The following CYFIP2 variants were observed in gnomAD, a reference collection of about 807,000 sequenced individuals.
The protein encoded by CYFIP2 is cytoplasmic FMR1-interacting protein 2.
A neutral mutation model predicts 158.7 loss-of-function variants in CYFIP2; 29 were observed. The ratio of observed to expected loss-of-function variants is 0.18; its 90% CI spans 0.14 to 0.25. The LOEUF (loss-of-function observed/expected upper bound fraction) is 0.25. Ranked by LOEUF, CYFIP2 falls within the 10% of genes least tolerant of loss-of-function variation. The pLI, the probability that CYFIP2 is intolerant of heterozygous loss-of-function variation, is 1.00. For synonymous variants in CYFIP2, 585 were observed against 617.6 expected (o/e 0.95, Z 0.78); for missense variants, 852 against 1,639.5 (o/e 0.52, Z 8.29).
chr5:157,384,283 C>T (rs750622668), intron 28 of CYFIP2: 8 of 456,658 alleles, frequency 1.8e-5, no homozygotes, highest in South Asian at 6.2e-5. Context: ...AAACAAAAGG[C>T]ATGTGCTATC....
chr5:157,364,817 G>A (rs1289089364), intron 26 of CYFIP2: 1 of 150,896 alleles, frequency 6.6e-6, no homozygotes, highest in Non-Finnish European at 1.5e-5. Flanking sequence ...AATGAAAGAA[G>A]ACTACTAATT....
intron 23 of CYFIP2, 96 bp from the exon 24 acceptor site, chr5:157,358,909 G>T: frequency 2.0e-6 from 3 of 1,507,418 alleles, no homozygotes; most frequent in Non-Finnish European, 2.7e-6. Flanking sequence ...CGTAACACTG[G>T]GTTCCTAATG....
intron 29 of CYFIP2, 71 bp downstream of exon 29, chr5:157,389,498 G>C (rs1581211045): frequency 7.1e-7 from 1 of 1,399,324 alleles, no homozygotes; most frequent in African/African-American, 1.4e-5. Context: ...GGGGCTGCCA[G>C]AGTTCAGCCA....
intron 9 of CYFIP2, 142 bp from the exon 10 acceptor site, chr5:157,309,601 A>G (rs1561713378): frequency 5.7e-6 from 4 of 698,844 alleles, no homozygotes; most frequent in East Asian, 2.7e-5. Flanking sequence ...TCAGAGTCAC[A>G]TGGTAGCGTC....
At chr5:157,277,401 T>A (rs1756650316) in intron 1 of CYFIP2, among the ~76,000 whole-genome samples, 1 of 152,094 alleles carries the variant, frequency 6.6e-6, no homozygotes, top group Non-Finnish European at 1.5e-5. Context: ...GTGTTATTAA[T>A]AGTGAAGGAG....
chr5:157,313,486 A>C (rs1436771812), intron 11 of CYFIP2, among the ~76,000 whole-genome samples: 1 of 152,254 alleles, frequency 6.6e-6, no homozygotes, highest in Non-Finnish European at 1.5e-5. Context: ...AAAATATAGA[A>C]AACATGGCAC....
chr5:157,377,464 A>C (rs1765595944), intron 26 of CYFIP2, among the ~76,000 whole-genome samples: 1 of 151,988 alleles, frequency 6.6e-6, no homozygotes, highest in Non-Finnish European at 1.5e-5. Context: ...ATCCTCCCCA[A>C]AAGTCTGAAT....
intron 7 of CYFIP2, 87 bp from the exon 8 acceptor site, chr5:157,304,151 C>T (rs1759016047): frequency 6.7e-7 from 1 of 1,482,842 alleles, no homozygotes; most frequent in East Asian, 2.5e-5. Context: ...GGGGACCACA[C>T]CGGCCAGCTG....
At position 157,293,032 on chromosome 5, in the gene CYFIP2, A is replaced by T. The variant is rs192656877; in HGVS notation, c.208-1751A>T. Among the ~76,000 whole-genome samples the T allele has an allele frequency of 4.6e-5, 7 of 151,766 alleles. No individual in the cohort carries two copies. In the East Asian group the frequency reaches 1.4e-3, roughly 30 times the overall value. ...CAGATATGTATGTATGTATGTATGT[A>T]TGTATGTATGTATGTATGTATGTAT... On this transcript the variant is annotated intron_variant, in intron 3 of 30. Transcript: ENST00000620254.
chr5:157,312,567 G>C (rs1266032648), intron 11 of CYFIP2, among the ~76,000 whole-genome samples: 1 of 152,214 alleles, frequency 6.6e-6, no homozygotes, highest in Non-Finnish European at 1.5e-5. Flanking sequence ...ACTCGTGGGT[G>C]ACTGCGCACT....
At chr5:157,272,051 G>T (rs1756144039) in intron 1 of CYFIP2, among the ~76,000 whole-genome samples, 1 of 152,246 alleles carries the variant, frequency 6.6e-6, no homozygotes, top group Admixed American at 6.5e-5. Context: ...CTGGTTTGGT[G>T]TCACCACAAA....
intron 3 of CYFIP2, 138 bp downstream of exon 3, chr5:157,287,246 C>T (rs891426858): frequency 1.6e-6 from 1 of 642,730 alleles, no homozygotes; most frequent in East Asian, 2.9e-5. Context: ...TGCTTAAGCC[C>T]ACTCTTACAT....
intron 16 of CYFIP2, 126 bp downstream of exon 16, chr5:157,324,200 A>G (rs1760832647): frequency 8.7e-7 from 1 of 1,149,520 alleles, no homozygotes; most frequent in African/African-American, 1.5e-5. Context: ...ACATATCACC[A>G]CCAAGGAAAA....
intron 28 of CYFIP2, among the ~76,000 whole-genome samples, chr5:157,386,143 T>C (rs903551185): frequency 6.6e-6 from 1 of 152,148 alleles, no homozygotes; most frequent in Non-Finnish European, 1.5e-5. Flanking sequence ...ATCAGTGAAA[T>C]GCACATTCAA....
At chr5:157,295,561 T>C (rs17655585) in intron 4 of CYFIP2, among the ~76,000 whole-genome samples, 1,937 of 152,378 alleles carry the variant, frequency 0.013, 19 homozygotes, top group Non-Finnish European at 0.02. Context: ...GCCTGTCTTA[T>C]ATATGAGCAC....
chr5:157,384,569 A>G (rs1561788954), intron 28 of CYFIP2: 2 of 443,696 alleles, frequency 4.5e-6, no homozygotes, highest in Non-Finnish European at 9.3e-6. Flanking sequence ...CCTCATCTGC[A>G]CAGACGTCAT....
In CYFIP2 at chr5:157,330,787, C is replaced by T. The variant is rs374669553; in HGVS notation, c.2202C>T (p.Gly734=). Residue 734 remains glycine, a synonymous_variant, in exon 20 of 31, where the codon GGC becomes GGT. Coordinates refer to ENST00000620254, the MANE Select transcript of CYFIP2 (RefSeq NM_001037333.3). ...KRFRAECKNY[G]VIIPYPPSNR... is the part of the protein sequence containing the mutation. ...TTCGAGCTGAGTGTAAGAATTATGGCGTCATCATTCCGTATCCACCGTCCA... is the reference window on the plus strand; with the variant it reads ...TTCGAGCTGAGTGTAAGAATTATGGTGTCATCATTCCGTATCCACCGTCCA... 3.7e-6 allele frequency: 6 copies of T among 1,613,840 alleles called. No homozygotes were observed. The highest frequency in any genetic ancestry group is 2.2e-5 in the East Asian group (1 of 44,886).
At chr5:157,298,321 C>T (rs1449055047) in intron 5 of CYFIP2, among the ~76,000 whole-genome samples, 2 of 151,950 alleles carry the variant, frequency 1.3e-5, no homozygotes, top group Non-Finnish European at 2.9e-5. Flanking sequence ...TTCATCACGA[C>T]AATCAGTTTT....
At chr5:157,268,071 C>T (rs1358742213) in intron 1 of CYFIP2, among the ~76,000 whole-genome samples, 2 of 152,270 alleles carry the variant, frequency 1.3e-5, no homozygotes, top group African/African-American at 4.8e-5. Flanking sequence ...TTGGCATTGG[C>T]TGCCCTTTGC....
Sources: gnomAD v4.1 joint callset for allele counts (sites outside exome capture counted in the v4.1 genomes callset) on GRCh38, gnomAD v4.1.1 for gene constraint, MANE v1.5 for transcripts, NCBI Gene and HGNC (gene_info 2026-07-23, HGNC 2026-07-21) for gene names.